GPC6: variants seen among roughly 807,000 people sequenced by gnomAD.
GPC6 encodes the protein glypican 6.
A neutral mutation model predicts 55.2 loss-of-function variants in GPC6; 14 were observed. That is an observed-to-expected ratio of 0.25 (90% confidence interval 0.17 to 0.40). The LOEUF (loss-of-function observed/expected upper bound fraction) is 0.40, where lower values mean the gene tolerates loss of function less well. Ranked by LOEUF, GPC6 falls within the 10% of genes least tolerant of loss-of-function variation. The probability of loss-of-function intolerance (pLI) is 1.00; values close to 1 mark genes in which losing one functional copy is unlikely to be tolerated. For missense variants in GPC6, 641 were observed against 708.5 expected, an observed-to-expected ratio of 0.90 and a Z score of 1.08; for synonymous variants, 278 against 259.6, an observed-to-expected ratio of 1.07 and a Z score of -0.68.
chr13:94,371,302 C>T (rs537597718), intron 6 of GPC6, among the ~76,000 whole-genome samples: 4 of 152,268 alleles, frequency 2.6e-5, no homozygotes, highest in Non-Finnish European at 4.4e-5. Context: ...TCCTGAATCA[C>T]ATTGAATCTC....
intron 1 of GPC6, among the ~76,000 whole-genome samples, chr13:93,500,805 G>T (rs17267815): frequency 6.6e-6 from 1 of 151,876 alleles, no homozygotes; most frequent in South Asian, 2.1e-4. Flanking sequence ...CATTAAGTTT[G>T]TAACAGCAAT....
At chr13:93,318,796 G>A (rs1879330820) in intron 1 of GPC6, among the ~76,000 whole-genome samples, 1 of 152,092 alleles carries the variant, frequency 6.6e-6, no homozygotes, top group South Asian at 2.1e-4. Context: ...CTGAAACAAG[G>A]AAGTTTGTTC....
intron 2 of GPC6, among the ~76,000 whole-genome samples, chr13:93,761,282 A>T (rs1360331524): frequency 6.6e-6 from 1 of 152,178 alleles, no homozygotes; most frequent in Admixed American, 6.5e-5. Flanking sequence ...ACAAATATTG[A>T]TTTGGGAGGG....
chr13:93,298,035 G>A (rs578008398), intron 1 of GPC6, among the ~76,000 whole-genome samples: 44 of 152,264 alleles, frequency 2.9e-4, no homozygotes, highest in African/African-American at 9.9e-4. Flanking sequence ...TGAAGTACTT[G>A]GAGGAAAGAG....
At chr13:94,245,993 G>T (rs1891184369) in intron 4 of GPC6, among the ~76,000 whole-genome samples, 2 of 152,030 alleles carry the variant, frequency 1.3e-5, no homozygotes, top group Admixed American at 6.6e-5. Flanking sequence ...AGTGGGCAAG[G>T]GTTTCCTTTT....
intron 4 of GPC6, among the ~76,000 whole-genome samples, chr13:94,089,972 A>G (rs1478344151): frequency 6.6e-6 from 1 of 152,086 alleles, no homozygotes; most frequent in Non-Finnish European, 1.5e-5. Flanking sequence ...AGTCATCCTG[A>G]TTTTCCTGAA....
intron 4 of GPC6, among the ~76,000 whole-genome samples, chr13:94,028,730 G>A (rs1009877451): frequency 6.6e-6 from 1 of 152,176 alleles, no homozygotes; most frequent in Non-Finnish European, 1.5e-5. Context: ...GAGGCAGGGA[G>A]GTGGGGAGAA....
chr13:93,964,079 A>G (rs569915977), intron 3 of GPC6, among the ~76,000 whole-genome samples: 30 of 152,260 alleles, frequency 2.0e-4, no homozygotes, highest in African/African-American at 5.8e-4. Flanking sequence ...CAAAGAAACA[A>G]TGCTTGTAAC....
intron 5 of GPC6, among the ~76,000 whole-genome samples, chr13:94,304,892 C>A (rs1280592987): frequency 6.6e-6 from 1 of 152,208 alleles, no homozygotes; most frequent in Non-Finnish European, 1.5e-5. Context: ...ATTTGCTTGT[C>A]CTATTTCTAT....
chr13:93,342,858 C>A (rs1477767393), intron 1 of GPC6, among the ~76,000 whole-genome samples: 2 of 152,082 alleles, frequency 1.3e-5, no homozygotes, highest in Non-Finnish European at 2.9e-5. Flanking sequence ...ATTATCAATG[C>A]TATTGTTTTA....
chr13:93,310,877 T>C (rs570038692), intron 1 of GPC6, among the ~76,000 whole-genome samples: 5 of 152,318 alleles, frequency 3.3e-5, no homozygotes, highest in African/African-American at 1.2e-4. Flanking sequence ...CGCCTAAGCA[T>C]TTACCTTCTA....
intron 5 of GPC6, among the ~76,000 whole-genome samples, chr13:94,295,195 T>A (rs1416984150): frequency 6.6e-6 from 1 of 152,176 alleles, no homozygotes; most frequent in Non-Finnish European, 1.5e-5. Flanking sequence ...TTTTTATCTG[T>A]CTAAATTAAC....
chr13:94,111,472 A>ATAT (rs1886243749), intron 4 of GPC6, among the ~76,000 whole-genome samples: 2 of 64,182 alleles, frequency 3.1e-5, no homozygotes, highest in East Asian at 6.2e-4. Context: ...CTTAAAGTAA[A>ATAT]TATAATAATA....
rs1345145424 is a variant in GPC6 at position 93,644,333 on chromosome 13, T to G, written c.319+98912T>G. Among the ~76,000 whole-genome samples, 7 of 152,266 alleles carry G rather than the reference T, an allele frequency of 4.6e-5. No homozygotes were observed. The Middle Eastern group carries it at 0.01, about 222-fold the overall frequency. ...TTGCAGTTTACCTTAATGTAGTATT[T>G]GCACTTGAAGTCTCTTCAAAGCCGT... On this transcript the variant is annotated intron_variant, in intron 2 of 8. Coordinates refer to ENST00000377047, the MANE Select transcript of GPC6 (RefSeq NM_005708.5).
intron 1 of GPC6, among the ~76,000 whole-genome samples, chr13:93,318,966 A>T (rs1879336416): frequency 6.6e-6 from 1 of 152,118 alleles, no homozygotes; most frequent in Admixed American, 6.6e-5. Flanking sequence ...GGAGACATTG[A>T]ACTTAGAGAG....
In GPC6 at chr13:93,965,102, G is replaced by GT. The variant is rs199810123; in HGVS notation, c.712-62624dup. Among the ~76,000 whole-genome samples, 659 of 113,316 alleles carry GT rather than the reference G, an allele frequency of 5.8e-3. 60 individuals carry two copies. The highest frequency in any genetic ancestry group is 0.026 in the East Asian group (80 of 3,044). The allele number at this position is 113,316 out of a possible 152,430, so 74.3% of individuals were successfully genotyped here. A position where few individuals can be genotyped will look rare whatever the true frequency, so the allele number is the denominator to read the frequency against. On this transcript the variant is annotated intron_variant, in intron 3 of 8. Transcript: ENST00000377047. ...AGTAAGTATTTGGGAAACACTATGA[G>GT]TTTGTTTTTTTTTTTTTTTTTTTTT... is the stretch of plus-strand genomic sequence containing the variant.
At chr13:93,641,166 C>CT (rs910370208) in intron 2 of GPC6, among the ~76,000 whole-genome samples, 2 of 151,862 alleles carry the variant, frequency 1.3e-5, no homozygotes, top group Non-Finnish European at 2.9e-5. Context: ...ATAGTACATG[C>CT]TTTTTTCAGA....
intron 4 of GPC6, among the ~76,000 whole-genome samples, chr13:94,073,295 G>A (rs187244111): frequency 3.9e-5 from 6 of 152,310 alleles, no homozygotes. Flanking sequence ...GTCATGAAAT[G>A]TGCAAGCTTC....
intron 6 of GPC6, among the ~76,000 whole-genome samples, chr13:94,381,809 G>A (rs1880171701): frequency 6.6e-6 from 1 of 152,156 alleles, no homozygotes; most frequent in Admixed American, 6.5e-5. Flanking sequence ...CATCCACAGG[G>A]CTGTGAATTT....
Sources: allele counts gnomAD v4.1 joint callset (sites outside exome capture counted in the v4.1 genomes callset), GRCh38; gene constraint gnomAD v4.1.1; transcripts MANE v1.5; gene names NCBI Gene and HGNC (gene_info 2026-07-23, HGNC 2026-07-21).